RNF17: variants seen among roughly 807,000 people sequenced by gnomAD.
The protein encoded by RNF17 is ring finger protein 17.
In RNF17, 31 loss-of-function variants were observed where a neutral mutation model predicts 200.5. The ratio of observed to expected loss-of-function variants is 0.15; its 90% confidence interval spans 0.12 to 0.21. The LOEUF (loss-of-function observed/expected upper bound fraction) is 0.21, where lower values mean the gene tolerates loss of function less well. Ranked by LOEUF, RNF17 falls within the 10% of genes least tolerant of loss-of-function variation. The pLI is 1.00. For synonymous variants in RNF17, 606 were observed against 637.8 expected (o/e 0.95, Z 0.75); for missense variants, 1,628 against 1,905.1 (o/e 0.85, Z 2.71).
intron 27 of RNF17, 150 bp from the exon 28 acceptor site, chr13:24,862,563 T>C (rs1403239826): frequency 7.4e-6 from 4 of 539,828 alleles, no homozygotes; most frequent in Non-Finnish European, 1.4e-5. Context: ...ATTTTTATCA[T>C]GTACCTATGA....
intron 9 of RNF17, among the ~76,000 whole-genome samples, chr13:24,792,802 A>G (rs1404406798): frequency 1.3e-5 from 2 of 152,216 alleles, no homozygotes; most frequent in Non-Finnish European, 2.9e-5. Context: ...ACCCAATCTT[A>G]TCTCATTGTA....
chr13:24,794,399 C>T (rs1593268386), intron 10 of RNF17: 1 of 335,836 alleles, frequency 3.0e-6, no homozygotes, highest in East Asian at 8.9e-5. Context: ...CGGGGCCAGA[C>T]ACCATGGCTC....
chr13:24,862,461 GT>G (rs1219512888), intron 27 of RNF17, among the ~76,000 whole-genome samples: 5 of 574 alleles, frequency 8.7e-3, no homozygotes, highest in Admixed American at 0.11. Context: ...AATGTAGGGT[GT>G]GTGTGTGTGT....
upstream of RNF17, among the ~76,000 whole-genome samples, chr13:24,763,324 T>A (rs968054549): frequency 3.3e-5 from 5 of 149,256 alleles, no homozygotes; most frequent in African/African-American, 1.2e-4. Flanking sequence ...TGCCTCAGCC[T>A]CCCAAGTAGC....
chr13:24,866,089 G>A, intron 29 of RNF17, 55 bp from the exon 30 acceptor site: 4 of 949,794 alleles, frequency 4.2e-6, no homozygotes, highest in Non-Finnish European at 5.0e-6. Flanking sequence ...AATATGGAAA[G>A]TACCTTAAAA....
chr13:24,847,775 T>C (rs1460758220), intron 22 of RNF17, among the ~76,000 whole-genome samples: 2 of 152,324 alleles, frequency 1.3e-5, no homozygotes, highest in East Asian at 3.9e-4. Flanking sequence ...CTCTTCCTAT[T>C]GTCTGTGATC....
the RNF17 span, chr13:24,751,038 T>TA: frequency 4.6e-5 from 7 of 152,306 alleles, no homozygotes; most frequent in African/African-American, 1.7e-4. Flanking sequence ...TTCAATACCC[T>TA]AAAAAGTAAA....
chr13:24,807,121 G>A (rs1313425220), intron 15 of RNF17, among the ~76,000 whole-genome samples: 1 of 151,732 alleles, frequency 6.6e-6, no homozygotes, highest in Non-Finnish European at 1.5e-5. Context: ...GTGTGCATGT[G>A]TCTTTATAGC....
chr13:24,773,453 C>G (rs71429899), intron 2 of RNF17, among the ~76,000 whole-genome samples: 11 of 152,156 alleles, frequency 7.2e-5, no homozygotes, highest in Non-Finnish European at 1.2e-4. Context: ...AATGCAGAAA[C>G]AGAAAACCAA....
At chr13:24,812,774 T>C (rs1349203761) in intron 15 of RNF17, among the ~76,000 whole-genome samples, 1 of 149,396 alleles carries the variant, frequency 6.7e-6, no homozygotes, top group Non-Finnish European at 1.5e-5. Context: ...CTCTGCCTCC[T>C]GGGTTCACGC....
At chr13:24,830,650 A>G in intron 17 of RNF17, 51 bp downstream of exon 17, 1 of 1,224,972 alleles carries the variant, frequency 8.2e-7, no homozygotes, top group Non-Finnish European at 1.2e-6. Flanking sequence ...ACAAATATGG[A>G]AGTATTTTTA....
intron 32 of RNF17, among the ~76,000 whole-genome samples, chr13:24,873,369 TATTTA>T (rs1017588409): frequency 1.3e-5 from 2 of 152,248 alleles, no homozygotes; most frequent in Non-Finnish European, 2.9e-5. Flanking sequence ...AACTGTTCAA[TATTTA>T]ATTCTGGATT....
Position 24,774,831 on chromosome 13 carries a change from A to G in RNF17, c.244A>G (p.Thr82Ala), listed in dbSNP as rs549887583. Residue 82 changes from threonine (T) to alanine (A), a missense_variant, in exon 3 of 36, where the codon ACT becomes GCT. Coordinates refer to ENST00000255324, the MANE Select transcript of RNF17 (RefSeq NM_031277.3). Reference sequence around the variant, plus strand: ...TCCTAAGGTTGCTACAGCTGTAAATACTAGACAACGCTACTACCCAATGGC... The same window carrying G: ...TCCTAAGGTTGCTACAGCTGTAAATGCTAGACAACGCTACTACCCAATGGC... The part of the protein sequence containing the change: ...PDCEVATAVN[T>A]RQRYYPMAGY... The G allele has an allele frequency of 3.1e-5, 50 of 1,611,436 alleles. No homozygotes were observed. In the South Asian group the frequency reaches 4.6e-4, roughly 15 times the overall value.
chr13:24,858,575 G>GATAGATATATATATATATATATAT (rs1555287531), intron 25 of RNF17, among the ~76,000 whole-genome samples: 1 of 143,190 alleles, frequency 7.0e-6, no homozygotes, highest in Non-Finnish European at 1.5e-5. Flanking sequence ...ATCAGTTATG[G>GATAGATATATATATATATATATAT]ATATATATAT....
chr13:24,798,045 C>T (rs1346000429), intron 11 of RNF17, among the ~76,000 whole-genome samples: 1 of 152,030 alleles, frequency 6.6e-6, no homozygotes, highest in Admixed American at 6.6e-5. Context: ...TGAGTTAACC[C>T]ACTACCACTA....
rs182995650 is a variant in RNF17 at position 24,766,976 on chromosome 13, C to T, written c.131-296C>T. Among the ~76,000 whole-genome samples, 46 of 152,330 alleles carry T rather than the reference C, an allele frequency of 3.0e-4. 1 individual carries two copies. The highest frequency in any genetic ancestry group is 1.6e-4 in the Non-Finnish European group (11 of 68,036). On this transcript the variant is annotated intron_variant, in intron 1 of 35. Transcript: ENST00000255324. ...TTTCAAACTGTAGTAGGTATCTTTTCCTGTACAGTAGGATCCTCTTTGAAT... is the reference window on the plus strand; with the variant it reads ...TTTCAAACTGTAGTAGGTATCTTTTTCTGTACAGTAGGATCCTCTTTGAAT...
intron 32 of RNF17, among the ~76,000 whole-genome samples, chr13:24,871,633 CTTTTTTTTT>C (rs143831233): frequency 0.21 from 26,427 of 128,598 alleles, 2,546 homozygotes; most frequent in South Asian, 0.36. Flanking sequence ...CTTGCCCAGC[CTTTTTTTTT>C]TTTTTTTTGG....
chr13:24,764,501 T>C, intron 1 of RNF17, 168 bp downstream of exon 1: 2 of 632,988 alleles, frequency 3.2e-6, no homozygotes, highest in Non-Finnish European at 3.9e-6. Context: ...AAGAGGGCAG[T>C]GCTTGGGTTG....
chr13:24,865,479 T>C (rs1183782710), intron 29 of RNF17, among the ~76,000 whole-genome samples: 4 of 152,238 alleles, frequency 2.6e-5, no homozygotes, highest in African/African-American at 7.2e-5. Flanking sequence ...TGTGGTTTAG[T>C]ACTTTAAAAA....
Sources: allele counts gnomAD v4.1 joint callset (sites outside exome capture counted in the v4.1 genomes callset), GRCh38; gene constraint gnomAD v4.1.1; transcripts MANE v1.5; gene names NCBI Gene and HGNC (gene_info 2026-07-23, HGNC 2026-07-21).